CSMD1: variants seen among roughly 807,000 people sequenced by gnomAD.
The protein encoded by CSMD1 is CUB and sushi domain-containing protein 1.
In CSMD1, 213 loss-of-function variants were observed where a neutral mutation model predicts 417.5. The ratio of observed to expected loss-of-function variants is 0.51; its 90% CI spans 0.46 to 0.57. The LOEUF is 0.57. Ranked by LOEUF, CSMD1 falls within the 20% of genes least tolerant of loss-of-function variation. The pLI, the probability that CSMD1 is intolerant of heterozygous loss-of-function variation, is 0.00. For synonymous variants in CSMD1, 2,862 were observed against 1,736.8 expected (o/e 1.65, Z -16.11); for missense variants, 6,923 against 4,529.7 (o/e 1.53, Z -15.17).
At chr8:4,608,363 G>T (rs927140152) in intron 2 of CSMD1, among the ~76,000 whole-genome samples, 1 of 152,136 alleles carries the variant, frequency 6.6e-6, no homozygotes, top group South Asian at 2.1e-4. Context: ...GTGGCTGACC[G>T]GAACATGGTG....
intron 7 of CSMD1, among the ~76,000 whole-genome samples, chr8:3,654,689 G>C (rs187870052): frequency 1.7e-4 from 26 of 152,280 alleles, no homozygotes; most frequent in African/African-American, 5.1e-4. Flanking sequence ...GCTGAGATTC[G>C]GGTCAGAGCC....
intron 5 of CSMD1, among the ~76,000 whole-genome samples, chr8:3,787,143 T>A (rs1799496037): frequency 6.6e-6 from 1 of 152,130 alleles, no homozygotes; most frequent in African/African-American, 2.4e-5. Flanking sequence ...CAAAACATAT[T>A]CTGAACATGT....
At chr8:4,567,159 T>C (rs1798653001) in intron 2 of CSMD1, among the ~76,000 whole-genome samples, 1 of 152,208 alleles carries the variant, frequency 6.6e-6, no homozygotes, top group South Asian at 2.1e-4. Context: ...TCCATGAATG[T>C]TTACAACATT....
chr8:2,949,753 A>T (rs539358812), intron 67 of CSMD1, among the ~76,000 whole-genome samples: 3 of 152,228 alleles, frequency 2.0e-5, no homozygotes, highest in African/African-American at 7.2e-5. Flanking sequence ...GGCAGGGTAC[A>T]TCATGTATGG....
At chr8:4,156,263 A>T (rs567155766) in intron 3 of CSMD1, among the ~76,000 whole-genome samples, 8 of 152,268 alleles carry the variant, frequency 5.3e-5, no homozygotes, top group African/African-American at 1.9e-4. Context: ...CTTTTTAATT[A>T]TGGCTAAAGA....
chr8:4,183,268 A>G (rs1393675478), intron 3 of CSMD1, among the ~76,000 whole-genome samples: 1 of 152,204 alleles, frequency 6.6e-6, no homozygotes, highest in Admixed American at 6.5e-5. Context: ...TGAAAATTTA[A>G]TTCTGTAAAA....
intron 23 of CSMD1, among the ~76,000 whole-genome samples, chr8:3,315,437 A>AGTATGT (rs1554512189): frequency 1.6e-5 from 2 of 124,056 alleles, no homozygotes; most frequent in African/African-American, 5.4e-5. Context: ...AGGTGAAGTG[A>AGTATGT]GTGTGTGTGT....
At chr8:4,636,554 A>C (rs558149570) in intron 2 of CSMD1, among the ~76,000 whole-genome samples, 1 of 152,326 alleles carries the variant, frequency 6.6e-6, no homozygotes, top group African/African-American at 2.4e-5. Flanking sequence ...ATTGTACTCA[A>C]GAATTTATCT....
intron 3 of CSMD1, among the ~76,000 whole-genome samples, chr8:4,068,032 G>C (rs533888745): frequency 6.6e-6 from 1 of 152,012 alleles, no homozygotes; most frequent in African/African-American, 2.4e-5. Context: ...AGTGAGCCGA[G>C]ATCATGCCAC....
intron 7 of CSMD1, among the ~76,000 whole-genome samples, chr8:3,686,394 G>C (rs962125144): frequency 6.6e-6 from 1 of 152,120 alleles, no homozygotes; most frequent in African/African-American, 2.4e-5. Flanking sequence ...CTGACGATGA[G>C]AGTTGCATCC....
chr8:4,707,775 T>A lies in CSMD1; in HGVS notation c.86-70217A>T, dbSNP rs566089720. Among the ~76,000 whole-genome samples, 11 of 151,584 alleles carry A rather than the reference T, an allele frequency of 7.3e-5. No individual in the cohort carries two copies. In the South Asian group the frequency reaches 1.9e-3, roughly 26 times the overall value. ...CGTGGCAGGCGCCTGTAATCCCAGCTACTCGGGAGGCTGAAGCAGAAGAAT... is the reference window on the plus strand; with the variant it reads ...CGTGGCAGGCGCCTGTAATCCCAGCAACTCGGGAGGCTGAAGCAGAAGAAT... On this transcript the variant is annotated intron_variant, in intron 1 of 69. Coordinates refer to ENST00000635120, the MANE Select transcript of CSMD1 (RefSeq NM_033225.6).
At chr8:4,088,496 C>T (rs1554443790) in intron 3 of CSMD1, among the ~76,000 whole-genome samples, 1 of 152,196 alleles carries the variant, frequency 6.6e-6, no homozygotes, top group Non-Finnish European at 1.5e-5. Flanking sequence ...TATCCATCTT[C>T]TTCTTTGTTT....
chr8:3,991,637 G>A (rs1814759493), intron 5 of CSMD1, among the ~76,000 whole-genome samples: 3 of 152,172 alleles, frequency 2.0e-5, no homozygotes, highest in Admixed American at 6.5e-5. Flanking sequence ...GAAGTGGAGG[G>A]CACTTTCTTT....
intron 1 of CSMD1, among the ~76,000 whole-genome samples, chr8:4,769,309 G>C (rs1796486407): frequency 6.6e-6 from 1 of 152,126 alleles, no homozygotes; most frequent in Non-Finnish European, 1.5e-5. Context: ...TTCTCAGTGT[G>C]ATTAATAAGC....
chr8:3,666,002 TC>T (rs1798672422), intron 7 of CSMD1, among the ~76,000 whole-genome samples: 1 of 152,154 alleles, frequency 6.6e-6, no homozygotes, highest in Non-Finnish European at 1.5e-5. Context: ...CTTAGCCTCC[TC>T]CTGCCTCAGC....
chr8:4,523,167 G>A (rs971004254), intron 2 of CSMD1, among the ~76,000 whole-genome samples: 13 of 152,202 alleles, frequency 8.5e-5, no homozygotes, highest in East Asian at 1.9e-4. Context: ...TAATGATCTC[G>A]TCTATTTAGT....
intron 2 of CSMD1, among the ~76,000 whole-genome samples, chr8:4,519,740 C>T (rs1220584241): frequency 7.2e-5 from 2 of 27,630 alleles, no homozygotes; most frequent in African/African-American, 2.2e-4. Context: ...CAGACTTCAT[C>T]TCAAAAAAAA....
chr8:4,407,969 C>G (rs549688882), intron 3 of CSMD1, among the ~76,000 whole-genome samples: 1 of 152,310 alleles, frequency 6.6e-6, no homozygotes, highest in East Asian at 1.9e-4. Flanking sequence ...TCCTCCTACA[C>G]CCGGCAAAAA....
intron 2 of CSMD1, among the ~76,000 whole-genome samples, chr8:4,437,183 T>C (rs1798196466): frequency 6.6e-6 from 1 of 152,194 alleles, no homozygotes; most frequent in South Asian, 2.1e-4. Context: ...AAGCAAAACT[T>C]TGTTGTCTCA....
Sources: allele counts gnomAD v4.1 joint callset (sites outside exome capture counted in the v4.1 genomes callset), GRCh38; gene constraint gnomAD v4.1.1; transcripts MANE v1.5; gene names NCBI Gene and HGNC (gene_info 2026-07-23, HGNC 2026-07-21).